BCL11A: variants seen among roughly 807,000 people sequenced by gnomAD.
BCL11A encodes BCL11 transcription factor A.
BCL11A carries 2 observed loss-of-function variants against 55.9 expected under a neutral mutation model. That is an observed-to-expected ratio of 0.04 (90% CI 0.01 to 0.11). The LOEUF (loss-of-function observed/expected upper bound fraction) is 0.11. Among genes scored for constraint, BCL11A ranks in the 10% least tolerant of loss-of-function variants. The probability of loss-of-function intolerance (pLI) is 1.00; values close to 1 mark genes in which losing one functional copy is unlikely to be tolerated. For missense variants in BCL11A, 817 were observed against 1,137.1 expected, an observed-to-expected ratio of 0.72 and a Z score of 4.05; for synonymous variants, 465 against 473.4, an observed-to-expected ratio of 0.98 and a Z score of 0.23.
At chr2:60,545,100 G>C (rs1670089132) in intron 2 of BCL11A, 1 of 152,234 alleles carries the variant, frequency 6.6e-6, no homozygotes, top group Admixed American at 6.5e-5. Context: ...CATTTGTAAG[G>C]GTGACATGTG....
At chr2:60,473,230 T>C (rs1295327224) in intron 2 of BCL11A, among the ~76,000 whole-genome samples, 2 of 144,004 alleles carry the variant, frequency 1.4e-5, no homozygotes, top group Non-Finnish European at 3.0e-5. Flanking sequence ...TGTTTTTAGA[T>C]AATTTCCCTG....
chr2:60,495,156 G>A (rs751767239), intron 2 of BCL11A, among the ~76,000 whole-genome samples: 2 of 152,166 alleles, frequency 1.3e-5, no homozygotes, highest in East Asian at 1.9e-4. Context: ...AGAGCCTTCC[G>A]AAAGAGGCCC....
intron 3 of BCL11A, among the ~76,000 whole-genome samples, chr2:60,463,890 C>T (rs1400533945): frequency 6.7e-6 from 1 of 148,782 alleles, no homozygotes; most frequent in African/African-American, 2.5e-5. Flanking sequence ...TTTAAGGCCA[C>T]AGCTAGTATT....
At chr2:60,504,709 T>C (rs1679478714) in intron 2 of BCL11A, among the ~76,000 whole-genome samples, 1 of 152,194 alleles carries the variant, frequency 6.6e-6, no homozygotes, top group African/African-American at 2.4e-5. Flanking sequence ...CTGAGAAGCT[T>C]CTTCAAGCTT....
chr2:60,478,756 C>A (rs1272552689), intron 2 of BCL11A, among the ~76,000 whole-genome samples: 2 of 152,230 alleles, frequency 1.3e-5, no homozygotes, highest in Non-Finnish European at 2.9e-5. Context: ...AAGGAGCGCT[C>A]TGGTGCTGCG....
chr2:60,505,780 A>C (rs538122472), intron 2 of BCL11A, among the ~76,000 whole-genome samples: 1 of 152,330 alleles, frequency 6.6e-6, no homozygotes, highest in Non-Finnish European at 1.5e-5. Flanking sequence ...TTTTAGAATA[A>C]ATCATTCGTG....
intron 3 of BCL11A, among the ~76,000 whole-genome samples, chr2:60,465,150 A>G (rs1023939142): frequency 6.6e-6 from 1 of 152,212 alleles, no homozygotes; most frequent in African/African-American, 2.4e-5. Context: ...GTACCATATT[A>G]TATTACAGTG....
chr2:60,532,608 TA>T (rs1474246472), intron 2 of BCL11A, among the ~76,000 whole-genome samples: 1 of 152,168 alleles, frequency 6.6e-6, no homozygotes, highest in Admixed American at 6.5e-5. Flanking sequence ...TTCCTTGGCA[TA>T]AGGATATGTT....
chr2:60,482,594 T>C (rs1216260844), intron 2 of BCL11A, among the ~76,000 whole-genome samples: 2 of 152,214 alleles, frequency 1.3e-5, no homozygotes, highest in Non-Finnish European at 2.9e-5. Flanking sequence ...CTCGCGTATG[T>C]GAAGGAGCAA....
intron 3 of BCL11A, among the ~76,000 whole-genome samples, chr2:60,468,115 GGTGGTT>G (rs1676990082): frequency 6.7e-6 from 1 of 149,128 alleles, no homozygotes; most frequent in Non-Finnish European, 1.5e-5. Context: ...TGGTGGCAGT[GGTGGTT>G]GTGGTGGTGG....
At chr2:60,492,466 C>T (rs1404477295) in intron 2 of BCL11A, among the ~76,000 whole-genome samples, 2 of 152,176 alleles carry the variant, frequency 1.3e-5, no homozygotes, top group Non-Finnish European at 2.9e-5. Flanking sequence ...GTACTCCCTC[C>T]CCTTTTTACT....
At chr2:60,480,390 A>G (rs1677882814) in intron 2 of BCL11A, among the ~76,000 whole-genome samples, 1 of 152,224 alleles carries the variant, frequency 6.6e-6, no homozygotes, top group South Asian at 2.1e-4. Context: ...TGGGCAAAGA[A>G]GAGCCCCTCA....
intron 3 of BCL11A, among the ~76,000 whole-genome samples, chr2:60,463,053 T>C (rs1273036501): frequency 6.6e-5 from 10 of 152,234 alleles, no homozygotes; most frequent in Non-Finnish European, 1.3e-4. Flanking sequence ...CATAAAATAC[T>C]TCCGTGGAAA....
chr2:60,509,034 C>T (rs1360121382), intron 2 of BCL11A, among the ~76,000 whole-genome samples: 1 of 152,206 alleles, frequency 6.6e-6, no homozygotes, highest in African/African-American at 2.4e-5. Flanking sequence ...CCTAGAGGAC[C>T]TCCTCCAAAG....
Position 60,459,808 on chromosome 2 carries a change from G to A in BCL11A, c.*596C>T. On this transcript the variant is annotated 3_prime_UTR_variant, in exon 4 of 4. Transcript: ENST00000642384. ...TTTAGAGACAGACATTTAGCTCATA[G>A]AGATTTTTTTTCAGTGCTATCTATT... The A allele has an allele frequency of 1.9e-6, 2 of 1,043,128 alleles. No individual in the cohort carries two copies. Among genetic ancestry groups the A allele is most frequent in the Non-Finnish European group, 2.3e-6 (2 of 865,256 alleles). The allele number at this position is 1,043,128 out of a possible 1,614,324, so 64.6% of individuals were successfully genotyped here. A position where few individuals can be genotyped will look rare whatever the true frequency, so the allele number is the denominator to read the frequency against.
intron 2 of BCL11A, among the ~76,000 whole-genome samples, chr2:60,499,238 C>T (rs905525659): frequency 2.0e-5 from 3 of 152,118 alleles, no homozygotes; most frequent in Non-Finnish European, 2.9e-5. Flanking sequence ...ATGTGCAAGG[C>T]GAGTGGATAG....
chr2:60,463,645 G>A (rs1042984887), intron 3 of BCL11A, among the ~76,000 whole-genome samples: 2 of 152,014 alleles, frequency 1.3e-5, no homozygotes, highest in Non-Finnish European at 2.9e-5. Context: ...TTGGGGAGAT[G>A]GCTAAATTAA....
intron 2 of BCL11A, among the ~76,000 whole-genome samples, chr2:60,493,320 T>C (rs1457676205): frequency 6.6e-6 from 1 of 152,198 alleles, no homozygotes; most frequent in Non-Finnish European, 1.5e-5. Context: ...TCTACATTTC[T>C]CTTAGGTAAA....
At chr2:60,530,625 G>A (rs1361448097) in intron 2 of BCL11A, among the ~76,000 whole-genome samples, 1 of 146,324 alleles carries the variant, frequency 6.8e-6, no homozygotes, top group African/African-American at 2.5e-5. Flanking sequence ...TTATTTTTTT[G>A]CCTTTAGCCA....
Sources: gnomAD v4.1 joint callset for allele counts (sites outside exome capture counted in the v4.1 genomes callset) on GRCh38, gnomAD v4.1.1 for gene constraint, MANE v1.5 for transcripts, NCBI Gene and HGNC (gene_info 2026-07-23, HGNC 2026-07-21) for gene names.